GSE1: variants seen among roughly 807,000 people sequenced by gnomAD.
GSE1 encodes the protein Gse1 coiled-coil protein, also known as genetic suppressor element 1.
Under a neutral mutation model 112.6 loss-of-function variants are expected in GSE1, and 32 were observed. The ratio of observed to expected loss-of-function variants is 0.28; its 90% CI spans 0.21 to 0.38. The LOEUF is 0.38. Among genes scored for constraint, GSE1 ranks in the 10% least tolerant of loss-of-function variants. GSE1 has a pLI of 1.00. For missense variants in GSE1, 2,348 were observed against 1,699.2 expected (o/e 1.38, Z -6.71); for synonymous variants, 1,115 against 735.6 (o/e 1.52, Z -8.35).
intron 1 of GSE1, among the ~76,000 whole-genome samples, chr16:85,602,800 A>AAGTGT (rs2047523935): frequency 6.6e-6 from 1 of 152,232 alleles, no homozygotes; most frequent in Non-Finnish European, 1.5e-5. Context: ...CAGGCTCAGC[A>AAGTGT]GGTGGAAGTG....
At chr16:85,478,842 T>C (rs1423046267) in intron 2 of GSE1, among the ~76,000 whole-genome samples, 1 of 3,972 alleles carries the variant, frequency 2.5e-4, no homozygotes, top group Non-Finnish European at 6.5e-4. Flanking sequence ...TCATTTATTT[T>C]CTTTCTTTCT....
At chr16:85,197,699 G>A (rs916672787) in intron 1 of GSE1, among the ~76,000 whole-genome samples, 5 of 152,138 alleles carry the variant, frequency 3.3e-5, no homozygotes, top group Non-Finnish European at 7.3e-5. Flanking sequence ...TGGTCCTGGC[G>A]TCCCCACTCT....
intron 1 of GSE1, among the ~76,000 whole-genome samples, chr16:85,331,485 ATATATGTG>A (rs1040486789): frequency 6.7e-5 from 8 of 119,716 alleles, no homozygotes; most frequent in East Asian, 3.1e-4. Flanking sequence ...ATATATGTGT[ATATATGTG>A]TATATGTGTA....
chr16:85,173,274 G>T (rs951109347), intron 1 of GSE1, among the ~76,000 whole-genome samples: 8 of 152,222 alleles, frequency 5.3e-5, no homozygotes, highest in African/African-American at 1.9e-4. Context: ...ACAACACTCA[G>T]TCAGTAGGTA....
intron 2 of GSE1, among the ~76,000 whole-genome samples, chr16:85,476,766 G>A (rs939307660): frequency 5.5e-5 from 8 of 145,854 alleles, no homozygotes; most frequent in Admixed American, 3.4e-4. Flanking sequence ...GCACCACCAC[G>A]CCTGACCATT....
chr16:85,649,038 CG>C (rs1567717344), intron 3 of GSE1, among the ~76,000 whole-genome samples: 1 of 152,072 alleles, frequency 6.6e-6, no homozygotes, highest in Non-Finnish European at 1.5e-5. Context: ...GTTCACAATC[CG>C]GGGGCCGGCA....
At chr16:85,478,543 T>A (rs2050534810) in intron 2 of GSE1, among the ~76,000 whole-genome samples, 1 of 146,424 alleles carries the variant, frequency 6.8e-6, no homozygotes, top group South Asian at 2.2e-4. Flanking sequence ...AAAAAAAAAA[T>A]TCCATGGCCT....
chr16:85,441,584 T>C (rs1157334309), intron 2 of GSE1, among the ~76,000 whole-genome samples: 2 of 152,074 alleles, frequency 1.3e-5, no homozygotes, highest in Non-Finnish European at 2.9e-5. Flanking sequence ...GAGGCAGAGG[T>C]TGCAGTGAGC....
intron 2 of GSE1, among the ~76,000 whole-genome samples, chr16:85,394,573 G>A (rs533832070): frequency 1.3e-5 from 2 of 152,146 alleles, no homozygotes; most frequent in South Asian, 4.2e-4. Flanking sequence ...CTGGATGGGC[G>A]GCAGCCCCCG....
intron 3 of GSE1, among the ~76,000 whole-genome samples, chr16:85,653,539 T>C (rs2151913253): frequency 6.6e-6 from 1 of 151,558 alleles, no homozygotes; most frequent in South Asian, 2.1e-4. Flanking sequence ...CTGAGTCCTC[T>C]GGACCACCTT....
At chr16:85,354,733 C>T (rs940311829) in intron 1 of GSE1, among the ~76,000 whole-genome samples, 28 of 152,358 alleles carry the variant, frequency 1.8e-4, no homozygotes, top group Middle Eastern at 3.4e-3. Context: ...CCCCATAAGC[C>T]GTCCCTCGCA....
chr16:85,665,164 G>C (rs1173806694), intron 12 of GSE1, 36 bp downstream of exon 12: 2 of 1,305,442 alleles, frequency 1.5e-6, no homozygotes, highest in Admixed American at 3.4e-5. Context: ...CACCACCCAG[G>C]ACCATCCCAT....
At chr16:85,650,745 A>AGC (rs1452771457) in intron 3 of GSE1, among the ~76,000 whole-genome samples, 2 of 152,266 alleles carry the variant, frequency 1.3e-5, no homozygotes, top group East Asian at 1.9e-4. Flanking sequence ...ACAGAGGCTC[A>AGC]GCGGGGCATT....
chr16:85,612,011 C>A (rs2048016303), upstream of GSE1, among the ~76,000 whole-genome samples: 1 of 151,990 alleles, frequency 6.6e-6, no homozygotes. Context: ...AGCGCTGGGG[C>A]GGCCGCCCAG....
intron 5 of GSE1, among the ~76,000 whole-genome samples, chr16:85,655,437 C>G (rs759116239): frequency 6.6e-6 from 1 of 152,214 alleles, no homozygotes; most frequent in Non-Finnish European, 1.5e-5. Context: ...GCAGCCCAGC[C>G]TGCTCGCCAG....
At chr16:85,220,864 T>C (rs957573551) in intron 1 of GSE1, among the ~76,000 whole-genome samples, 1 of 152,022 alleles carries the variant, frequency 6.6e-6, no homozygotes, top group African/African-American at 2.4e-5. Flanking sequence ...CCCTTTTCCG[T>C]TGCAGGAAAC....
chr16:85,173,044 C>A (rs1364309010), intron 1 of GSE1, among the ~76,000 whole-genome samples: 5 of 152,162 alleles, frequency 3.3e-5, no homozygotes, highest in African/African-American at 7.2e-5. Context: ...TGGATGAGCA[C>A]GTCGTCTCCC....
chr16:85,252,448 G>A (rs1259814935), intron 1 of GSE1, among the ~76,000 whole-genome samples: 1 of 150,586 alleles, frequency 6.6e-6, no homozygotes, highest in Non-Finnish European at 1.5e-5. Context: ...CTGGTTTAAG[G>A]GGGACAACCC....
intron 1 of GSE1, among the ~76,000 whole-genome samples, chr16:85,282,796 C>T (rs893361492): frequency 6.6e-6 from 1 of 152,258 alleles, no homozygotes; most frequent in South Asian, 2.1e-4. Context: ...TTGCATAATT[C>T]TGTGTTGTAT....
Sources: gnomAD v4.1 joint callset for allele counts (sites outside exome capture counted in the v4.1 genomes callset) on GRCh38, gnomAD v4.1.1 for gene constraint, MANE v1.5 for transcripts, NCBI Gene and HGNC (gene_info 2026-07-23, HGNC 2026-07-21) for gene names.